The following ULK4 variants were observed in gnomAD, a reference collection of about 807,000 sequenced individuals.
ULK4 encodes the protein unc-51 like kinase 4, also known as inactive serine/threonine-protein kinase ULK4.
A neutral mutation model predicts 160.6 loss-of-function variants in ULK4; 133 were observed. The observed-to-expected ratio is 0.83, with a 90% CI of 0.72 to 0.96. ULK4 has a LOEUF of 0.96. Ranked by LOEUF, ULK4 falls within the 40% of genes least tolerant of loss-of-function variation. The probability of loss-of-function intolerance (pLI) is 0.00; values close to 1 mark genes in which losing one functional copy is unlikely to be tolerated. For synonymous variants in ULK4, 534 were observed against 539.8 expected (o/e 0.99, Z 0.15); for missense variants, 1,580 against 1,499.5 (o/e 1.05, Z -0.89).
chr3:41,363,382 G>A (rs954952449), intron 35 of ULK4, among the ~76,000 whole-genome samples: 1 of 152,224 alleles, frequency 6.6e-6, no homozygotes, highest in East Asian at 1.9e-4. Context: ...GACACAGCAA[G>A]GCAGATGCCT....
At chr3:41,850,800 C>A (rs1474876521) in intron 17 of ULK4, among the ~76,000 whole-genome samples, 1 of 152,172 alleles carries the variant, frequency 6.6e-6, no homozygotes, top group Non-Finnish European at 1.5e-5. Context: ...TGTGCAGAAG[C>A]TCTTTAGTTT....
intron 35 of ULK4, among the ~76,000 whole-genome samples, chr3:41,300,712 C>A (rs956181840): frequency 4.2e-4 from 63 of 151,542 alleles, no homozygotes; most frequent in African/African-American, 1.5e-3. Flanking sequence ...TAGGAGAACA[C>A]TATGGGGATA....
At chr3:41,454,709 T>G (rs898151763) in intron 34 of ULK4, among the ~76,000 whole-genome samples, 3 of 152,132 alleles carry the variant, frequency 2.0e-5, no homozygotes, top group African/African-American at 7.2e-5. Context: ...TTTTAATTTT[T>G]TGAGATGGAG....
intron 33 of ULK4, among the ~76,000 whole-genome samples, chr3:41,462,787 GCC>G: frequency 6.6e-6 from 1 of 152,102 alleles, no homozygotes; most frequent in Non-Finnish European, 1.5e-5. Context: ...AAACTACTTG[GCC>G]AACCTAGGAT....
chr3:41,926,155 T>C (rs540623569), intron 5 of ULK4, among the ~76,000 whole-genome samples: 29 of 152,272 alleles, frequency 1.9e-4, no homozygotes, highest in Non-Finnish European at 3.5e-4. Context: ...GAGGAAGGAA[T>C]AGGCAGCAAT....
At chr3:41,375,237 C>A (rs1227055984) in intron 35 of ULK4, among the ~76,000 whole-genome samples, 10 of 152,072 alleles carry the variant, frequency 6.6e-5, no homozygotes, top group Admixed American at 5.9e-4. Context: ...CAATGCGATT[C>A]CCATCAAACT....
At chr3:41,851,920 A>G (rs918166721) in intron 17 of ULK4, among the ~76,000 whole-genome samples, 1 of 152,138 alleles carries the variant, frequency 6.6e-6, no homozygotes, top group Non-Finnish European at 1.5e-5. Flanking sequence ...AGGAGATAGA[A>G]ACACAAAAAA....
intron 32 of ULK4, among the ~76,000 whole-genome samples, chr3:41,545,257 G>A (rs1209570350): frequency 6.6e-6 from 1 of 152,080 alleles, no homozygotes; most frequent in African/African-American, 2.4e-5. Flanking sequence ...CGGCAAATTC[G>A]AGTTTGAGTT....
At chr3:41,848,371 C>G (rs1310174202) in intron 17 of ULK4, among the ~76,000 whole-genome samples, 2 of 152,176 alleles carry the variant, frequency 1.3e-5, no homozygotes. Flanking sequence ...ATGTCAACTA[C>G]AAAAGAAATC....
chr3:41,369,518 C>A (rs1258139476), intron 35 of ULK4, among the ~76,000 whole-genome samples: 1 of 150,414 alleles, frequency 6.6e-6, no homozygotes, highest in Non-Finnish European at 1.5e-5. Context: ...AATGGCAGAG[C>A]ACGGTGGCTC....
intron 32 of ULK4, among the ~76,000 whole-genome samples, chr3:41,530,491 C>T (rs2086267360): frequency 6.6e-6 from 1 of 152,118 alleles, no homozygotes; most frequent in South Asian, 2.1e-4. Flanking sequence ...TCATCTAGAA[C>T]CAAACAGAAC....
rs2086006867 is a variant in ULK4 at position 41,523,522 on chromosome 3, C to A, written c.3226+42503G>T. 2.0e-5 allele frequency among the ~76,000 whole-genome samples: 3 copies of A among 152,002 alleles called. No individual in the cohort carries two copies. The South Asian group carries it at 6.2e-4, about 32-fold the overall frequency. ...GTAAATTTTATTTTATATTTTATTA[C>A]AATAAAAAATAAATACTTGTATAAT... On this transcript the variant is annotated intron_variant, in intron 32 of 36. Transcript: ENST00000301831.
At chr3:41,724,550 C>T (rs1171653374) in intron 22 of ULK4, among the ~76,000 whole-genome samples, 1 of 151,954 alleles carries the variant, frequency 6.6e-6, no homozygotes, top group Non-Finnish European at 1.5e-5. Flanking sequence ...CAGTGAAACC[C>T]GTCTCTACTA....
chr3:41,908,055 A>T, intron 11 of ULK4, 114 bp from the exon 12 acceptor site: 1 of 491,024 alleles, frequency 2.0e-6, no homozygotes, highest in Non-Finnish European at 3.2e-6. Context: ...ATGATTCCAT[A>T]TACTGTCACT....
At chr3:41,335,448 G>T (rs1464034687) in intron 35 of ULK4, among the ~76,000 whole-genome samples, 1 of 151,930 alleles carries the variant, frequency 6.6e-6, no homozygotes, top group Non-Finnish European at 1.5e-5. Flanking sequence ...AGTTTAATGG[G>T]GTTGGAAATT....
At chr3:41,926,411 G>T (rs1024284226) in intron 5 of ULK4, among the ~76,000 whole-genome samples, 2 of 152,134 alleles carry the variant, frequency 1.3e-5, no homozygotes, top group African/African-American at 4.8e-5. Flanking sequence ...CAAAAACGCT[G>T]AAAATTCCAA....
intron 32 of ULK4, among the ~76,000 whole-genome samples, chr3:41,524,132 T>C (rs917048112): frequency 5.9e-4 from 90 of 152,132 alleles, no homozygotes; most frequent in African/African-American, 2.1e-3. Context: ...TTTAGGGGGA[T>C]TGGTGAGTGA....
intron 31 of ULK4, among the ~76,000 whole-genome samples, chr3:41,579,013 G>C (rs2029972348): frequency 6.6e-6 from 1 of 152,136 alleles, no homozygotes; most frequent in Non-Finnish European, 1.5e-5. Flanking sequence ...GGGGTTCTTG[G>C]CTATACGCTG....
chr3:41,824,162 T>TAAA (rs2041251246), intron 18 of ULK4, among the ~76,000 whole-genome samples: 1 of 82,920 alleles, frequency 1.2e-5, no homozygotes, highest in African/African-American at 1.1e-4. Context: ...GACTCTATCT[T>TAAA]TAAAAAAAAA....
Sources: gnomAD v4.1 joint callset for allele counts (sites outside exome capture counted in the v4.1 genomes callset) on GRCh38, gnomAD v4.1.1 for gene constraint, MANE v1.5 for transcripts, NCBI Gene and HGNC (gene_info 2026-07-23, HGNC 2026-07-21) for gene names.